HDAC8: variants seen among roughly 807,000 people sequenced by gnomAD.
HDAC8 encodes the protein histone deacetylase 8.
Under a neutral mutation model 32.2 loss-of-function variants are expected in HDAC8, and 1 was observed. That is an observed-to-expected ratio of 0.03 (90% CI 0.01 to 0.15). HDAC8 has a LOEUF of 0.15. HDAC8 is among the 10% of genes least tolerant of loss of function. HDAC8 has a pLI of 1.00. For synonymous variants in HDAC8, 108 were observed against 113.9 expected, an observed-to-expected ratio of 0.95 and a Z score of 0.33; for missense variants, 117 against 300.0, an observed-to-expected ratio of 0.39 and a Z score of 4.51.
At chrX:72,358,745 G>A (rs781810234) in intron 9 of HDAC8, among the ~76,000 whole-genome samples, 2 of 112,264 alleles carry the variant, frequency 1.8e-5, no homozygotes, top group African/African-American at 3.2e-5. Flanking sequence ...ATCAGGAACC[G>A]GTTTTGTGGA....
intron 7 of HDAC8, among the ~76,000 whole-genome samples, chrX:72,475,205 A>G (rs1369650572): frequency 8.9e-6 from 1 of 112,045 alleles, no homozygotes; most frequent in African/African-American, 3.2e-5. Context: ...AGATTAAAGA[A>G]TGAGAAATTC....
intron 9 of HDAC8, among the ~76,000 whole-genome samples, chrX:72,376,277 T>C (rs927100643): frequency 2.7e-5 from 3 of 112,088 alleles, no homozygotes; most frequent in African/African-American, 6.5e-5. Flanking sequence ...ATTTTCATAA[T>C]TTGAGACATT....
chrX:72,509,188 C>A (rs1556020619), intron 4 of HDAC8, among the ~76,000 whole-genome samples: 1 of 109,728 alleles, frequency 9.1e-6, no homozygotes, highest in Non-Finnish European at 1.9e-5. Flanking sequence ...GCAACCTCCA[C>A]CTCTCCACCT....
intron 10 of HDAC8, among the ~76,000 whole-genome samples, chrX:72,332,579 T>C (rs2043553884): frequency 9.1e-6 from 1 of 110,060 alleles, no homozygotes; most frequent in Non-Finnish European, 1.9e-5. Flanking sequence ...ATCCTTTTCA[T>C]GTCTTGTCTT....
intron 5 of HDAC8, among the ~76,000 whole-genome samples, chrX:72,492,869 A>G (rs2048912075): frequency 8.9e-6 from 1 of 112,239 alleles, no homozygotes; most frequent in Non-Finnish European, 1.9e-5. Context: ...AAGGCATTAT[A>G]TAAAACAGGA....
At chrX:72,399,431 C>T (rs1555966655) in intron 9 of HDAC8, among the ~76,000 whole-genome samples, 2 of 112,228 alleles carry the variant, frequency 1.8e-5, no homozygotes, top group African/African-American at 6.5e-5. Context: ...TATTGTTGCT[C>T]TTCAAGAATG....
At chrX:72,461,618 C>T (rs1555991736) in intron 9 of HDAC8, among the ~76,000 whole-genome samples, 1 of 110,928 alleles carries the variant, frequency 9.0e-6, no homozygotes. Flanking sequence ...TGCCACGTAC[C>T]ACCTATGAAA....
chrX:72,518,920 T>C (rs782096991), intron 4 of HDAC8, among the ~76,000 whole-genome samples: 1 of 112,801 alleles, frequency 8.9e-6, no homozygotes, highest in South Asian at 3.7e-4. Flanking sequence ...ATTTTAAAAA[T>C]TGCTGAATAA....
chrX:72,442,364 G>A (rs2047184608), intron 9 of HDAC8, among the ~76,000 whole-genome samples: 1 of 111,773 alleles, frequency 8.9e-6, no homozygotes, highest in African/African-American at 3.3e-5. Flanking sequence ...AGCCAGAAGA[G>A]AGTAGGGGCC....
chrX:72,516,726 T>C (rs1374431152), intron 4 of HDAC8, among the ~76,000 whole-genome samples: 1 of 112,021 alleles, frequency 8.9e-6, no homozygotes, highest in East Asian at 2.8e-4. Flanking sequence ...CAGCACTTCT[T>C]CTAATTGTCT....
At chrX:72,538,528 C>T (rs1427202644) in intron 4 of HDAC8, among the ~76,000 whole-genome samples, 5 of 111,514 alleles carry the variant, frequency 4.5e-5, no homozygotes, top group African/African-American at 9.8e-5. Context: ...AATTAGGACT[C>T]TTACTACAGT....
intron 1 of HDAC8, 96 bp downstream of exon 1, chrX:72,572,555 C>G: frequency 1.7e-6 from 1 of 601,943 alleles, no homozygotes; most frequent in Non-Finnish European, 2.6e-6. Flanking sequence ...AAGATTTCCC[C>G]CAGCCCAGTG....
chrX:72,430,535 C>T (rs2046783156), intron 9 of HDAC8, among the ~76,000 whole-genome samples: 1 of 112,500 alleles, frequency 8.9e-6, no homozygotes, highest in Non-Finnish European at 1.9e-5. Flanking sequence ...AAGCCTCCCT[C>T]ACTCTCTCAG....
intron 9 of HDAC8, among the ~76,000 whole-genome samples, chrX:72,390,406 G>A: frequency 8.9e-6 from 1 of 111,848 alleles, no homozygotes; most frequent in African/African-American, 3.2e-5. Flanking sequence ...CTTTCTGTTG[G>A]GAACATTCAA....
chrX:72,354,907 A>G (rs1027457518), intron 9 of HDAC8, among the ~76,000 whole-genome samples: 25 of 112,079 alleles, frequency 2.2e-4, no homozygotes, highest in African/African-American at 6.5e-4. Context: ...ACATACTAGG[A>G]CTTCAATAAA....
chrX:72,452,194 G>A (rs1044010277), intron 9 of HDAC8, among the ~76,000 whole-genome samples: 2 of 112,550 alleles, frequency 1.8e-5, no homozygotes, highest in Non-Finnish European at 3.8e-5. Context: ...CGTGGCTCAT[G>A]CCTGTAATCC....
At chrX:72,332,381 A>G (rs1325446582) in intron 10 of HDAC8, among the ~76,000 whole-genome samples, 1 of 112,000 alleles carries the variant, frequency 8.9e-6, no homozygotes, top group African/African-American at 3.2e-5. Context: ...TGGTGGTACC[A>G]TTTTACTTTC....
intron 9 of HDAC8, among the ~76,000 whole-genome samples, chrX:72,435,541 G>A (rs954661043): frequency 1.8e-5 from 2 of 111,891 alleles, no homozygotes; most frequent in Non-Finnish European, 3.8e-5. Context: ...ATGAAAAAAA[G>A]AGAAAGTATT....
intron 4 of HDAC8, among the ~76,000 whole-genome samples, chrX:72,542,202 T>C (rs782520346): frequency 8.9e-6 from 1 of 112,461 alleles, no homozygotes; most frequent in Non-Finnish European, 1.9e-5. Context: ...TCACTGAGCA[T>C]AACAGTCTGA....
Sources: gnomAD v4.1 joint callset for allele counts (sites outside exome capture counted in the v4.1 genomes callset) on GRCh38, gnomAD v4.1.1 for gene constraint, MANE v1.5 for transcripts, NCBI Gene and HGNC (gene_info 2026-07-23, HGNC 2026-07-21) for gene names.